Variants in DLC1 observed in about 807,000 individuals in gnomAD.
The protein encoded by DLC1 is rho GTPase-activating protein 7.
DLC1 carries 54 observed loss-of-function variants against 140.3 expected under a neutral mutation model. That is an observed-to-expected ratio of 0.38 (90% CI 0.31 to 0.48). The LOEUF is 0.48. Ranked by LOEUF, DLC1 falls within the 20% of genes least tolerant of loss-of-function variation. DLC1 has a pLI of 0.96. For missense variants in DLC1, 2,536 were observed against 1,907.0 expected (o/e 1.33, Z -6.14); for synonymous variants, 986 against 728.1 (o/e 1.35, Z -5.70).
At chr8:13,185,288 T>G (rs112123812) in intron 5 of DLC1, among the ~76,000 whole-genome samples, 1,932 of 144,454 alleles carry the variant, frequency 0.013, 48 homozygotes, top group African/African-American at 0.046. Flanking sequence ...TTTCTGTTTT[T>G]TTTGTTTGTT....
Position 13,531,344 on chromosome 8 carries a change from G to C in DLC1, c.-125-31148C>G, listed in dbSNP as rs539804100. On this transcript the variant is annotated intron_variant, in intron 1 of 1. Coordinates refer to the DLC1 transcript ENST00000631382. ...CTCATGCCTGTAATCCCAGCAATTTGGAAGGCCAAGGCGGGCGGATCACCT... is the reference window on the plus strand; with the variant it reads ...CTCATGCCTGTAATCCCAGCAATTTCGAAGGCCAAGGCGGGCGGATCACCT... Among the ~76,000 whole-genome samples the C allele has an allele frequency of 5.3e-4, 80 of 152,250 alleles. 1 individual carries two copies. Among genetic ancestry groups the C allele is most frequent in the Admixed American group, 5.2e-3 (80 of 15,286 alleles).
intron 5 of DLC1, among the ~76,000 whole-genome samples, chr8:13,144,211 C>A (rs1209792132): frequency 6.6e-6 from 1 of 152,182 alleles, no homozygotes; most frequent in Admixed American, 6.5e-5. Flanking sequence ...AATTTGTTCT[C>A]TTCTGGGGTT....
In DLC1 at chr8:13,566,774, G is replaced by C. The variant is rs78230326; in HGVS notation, c.-126+37763C>G. 31 of 600,234 alleles carry C rather than the reference G, an allele frequency of 5.2e-5. No individual in the cohort carries two copies. In the East Asian group the frequency reaches 6.1e-4, roughly 12 times the overall value. 37.2% of individuals were successfully genotyped at this position (600,234 alleles called of 1,614,324 possible). A position where few individuals can be genotyped will look rare whatever the true frequency, so the allele number is the denominator to read the frequency against. On this transcript the variant is annotated intron_variant, in intron 1 of 1. Coordinates refer to the DLC1 transcript ENST00000631382. Reference sequence around the variant, plus strand: ...AGCAGCGCAAGCGCAGTGGGCGCTGGGGAGCGCGGAGGAAAAGGCGGGACG... The same window carrying C: ...AGCAGCGCAAGCGCAGTGGGCGCTGCGGAGCGCGGAGGAAAAGGCGGGACG...
chr8:13,150,764 A>G (rs1170006935), intron 5 of DLC1, among the ~76,000 whole-genome samples: 1 of 152,260 alleles, frequency 6.6e-6, no homozygotes, highest in African/African-American at 2.4e-5. Context: ...GGCTTCAAGC[A>G]TAAAATCTCA....
At chr8:13,312,056 G>A (rs563878009) in intron 4 of DLC1, among the ~76,000 whole-genome samples, 1 of 152,170 alleles carries the variant, frequency 6.6e-6, no homozygotes, top group African/African-American at 2.4e-5. Flanking sequence ...ATTATTCTAA[G>A]TTTTTTTAAA....
intron 5 of DLC1, among the ~76,000 whole-genome samples, chr8:13,183,070 T>C (rs1434109149): frequency 2.6e-5 from 4 of 152,222 alleles, no homozygotes; most frequent in Non-Finnish European, 4.4e-5. Flanking sequence ...TATTATACTC[T>C]CTTTGTAGCA....
chr8:13,366,539 C>G (rs980231041), intron 4 of DLC1, among the ~76,000 whole-genome samples: 1 of 152,182 alleles, frequency 6.6e-6, no homozygotes, highest in Admixed American at 6.5e-5. Flanking sequence ...AACAGAAAAG[C>G]TGGGGAAAGA....
At chr8:13,575,634 T>C (rs960601485) in intron 1 of DLC1, among the ~76,000 whole-genome samples, 4 of 152,166 alleles carry the variant, frequency 2.6e-5, no homozygotes, top group African/African-American at 9.7e-5. Context: ...TTTATCCCTG[T>C]TGCTTGACTG....
intron 5 of DLC1, chr8:13,304,690 T>A: frequency 2.1e-6 from 2 of 957,110 alleles, no homozygotes; most frequent in Non-Finnish European, 2.5e-6. Flanking sequence ...TAAAAACACA[T>A]AGATCTACCA....
chr8:13,111,860 T>A (rs1820140379), intron 6 of DLC1, among the ~76,000 whole-genome samples: 1 of 152,000 alleles, frequency 6.6e-6, no homozygotes, highest in Non-Finnish European at 1.5e-5. Flanking sequence ...AAAATTCTCT[T>A]TGGCTGGGCA....
chr8:13,206,442 T>C (rs1827667714), intron 5 of DLC1, among the ~76,000 whole-genome samples: 1 of 152,156 alleles, frequency 6.6e-6, no homozygotes, highest in Non-Finnish European at 1.5e-5. Flanking sequence ...TAAATTTTGT[T>C]TCAGTGATGG....
intron 5 of DLC1, among the ~76,000 whole-genome samples, chr8:13,135,065 G>A (rs1367426539): frequency 1.3e-5 from 2 of 152,100 alleles, no homozygotes; most frequent in East Asian, 1.9e-4. Flanking sequence ...GGGAGCCGGA[G>A]GAGCTGCCCA....
intron 4 of DLC1, among the ~76,000 whole-genome samples, chr8:13,348,030 A>T (rs1207627846): frequency 6.6e-6 from 1 of 152,172 alleles, no homozygotes; most frequent in East Asian, 1.9e-4. Flanking sequence ...CATAGCTTGC[A>T]GTCAGCCGAG....
chr8:13,126,892 G>C (rs560315081), intron 5 of DLC1, among the ~76,000 whole-genome samples: 2 of 152,108 alleles, frequency 1.3e-5, no homozygotes, highest in Non-Finnish European at 2.9e-5. Context: ...TAGCAGGAAC[G>C]TCTATTAAAA....
In DLC1 at chr8:13,514,151, A is replaced by G. The variant is rs116799474; in HGVS notation, c.-126+451T>C. Among the ~76,000 whole-genome samples, 507 of 152,258 alleles carry G rather than the reference A, an allele frequency of 3.3e-3. 3 individuals carry two copies. The highest frequency in any genetic ancestry group is 0.012 in the African/African-American group (493 of 41,540). ...TCTTCGTAGTTTTAAATGAGACACA[A>G]AATACTCTTTGGAGACTGATTATTA... On this transcript the variant is annotated intron_variant, in intron 1 of 17. Coordinates refer to ENST00000276297, the MANE Select transcript of DLC1 (RefSeq NM_182643.3).
At chr8:13,245,239 G>A (rs775182528) in intron 5 of DLC1, among the ~76,000 whole-genome samples, 7 of 152,176 alleles carry the variant, frequency 4.6e-5, no homozygotes, top group Admixed American at 2.0e-4. Context: ...AGGCCCCACT[G>A]GGGTGTCTGC....
At chr8:13,290,522 G>C (rs1034114254) in intron 5 of DLC1, among the ~76,000 whole-genome samples, 1 of 151,956 alleles carries the variant, frequency 6.6e-6, no homozygotes, top group Admixed American at 6.6e-5. Flanking sequence ...AAAAATTATT[G>C]AGTGTCCTTT....
chr8:13,311,181 T>G (rs868204957), intron 4 of DLC1, among the ~76,000 whole-genome samples: 3 of 152,308 alleles, frequency 2.0e-5, no homozygotes, highest in East Asian at 1.9e-4. Flanking sequence ...TTCTCTGTCA[T>G]TTTGCCTATG....
chr8:13,331,965 A>T (rs936181286), intron 4 of DLC1, among the ~76,000 whole-genome samples: 2 of 152,192 alleles, frequency 1.3e-5, no homozygotes, highest in African/African-American at 4.8e-5. Context: ...CAATGTATGT[A>T]ACTTCTACAC....
Sources: gnomAD v4.1 joint callset for allele counts (sites outside exome capture counted in the v4.1 genomes callset) on GRCh38, gnomAD v4.1.1 for gene constraint, MANE v1.5 for transcripts, NCBI Gene and HGNC (gene_info 2026-07-23, HGNC 2026-07-21) for gene names.